Variants in SEMA5A observed in about 807,000 individuals in gnomAD.
The protein encoded by SEMA5A is semaphorin 5A.
In SEMA5A, 55 loss-of-function variants were observed where a neutral mutation model predicts 135.5. The observed-to-expected ratio is 0.41, with a 90% CI of 0.33 to 0.51. The LOEUF is 0.51. Ranked by LOEUF, SEMA5A falls within the 20% of genes least tolerant of loss-of-function variation. SEMA5A has a pLI of 0.37. For synonymous variants in SEMA5A, 580 were observed against 546.5 expected, an observed-to-expected ratio of 1.06 and a Z score of -0.85; for missense variants, 1,290 against 1,419.9, an observed-to-expected ratio of 0.91 and a Z score of 1.47.
At chr5:9,255,338 G>A (rs1290535761) in intron 5 of SEMA5A, among the ~76,000 whole-genome samples, 2 of 151,982 alleles carry the variant, frequency 1.3e-5, no homozygotes, top group Non-Finnish European at 2.9e-5. Context: ...CAACATGCAG[G>A]GTCCACACCA....
At chr5:9,451,715 A>T (rs1758650986) in intron 1 of SEMA5A, among the ~76,000 whole-genome samples, 2 of 152,222 alleles carry the variant, frequency 1.3e-5, no homozygotes, top group Admixed American at 1.3e-4. Context: ...GTAGCTAAGA[A>T]GATGCAAATT....
chr5:9,473,937 T>G (rs1462583730), intron 1 of SEMA5A, among the ~76,000 whole-genome samples: 1 of 152,090 alleles, frequency 6.6e-6, no homozygotes, highest in Non-Finnish European at 1.5e-5. Context: ...GGTGACCACA[T>G]GGAGTCCAAA....
chr5:9,339,592 T>C (rs1753555342), intron 3 of SEMA5A, among the ~76,000 whole-genome samples: 1 of 149,568 alleles, frequency 6.7e-6, no homozygotes, highest in Non-Finnish European at 1.5e-5. Context: ...AGAGAAATAA[T>C]CAAAAAGAAA....
rs368629980 is a variant in SEMA5A at position 9,201,528 on chromosome 5, A to G, written c.932+427T>C. On this transcript the variant is annotated intron_variant, in intron 9 of 22. Transcript: ENST00000382496. ...GCATTTCAAATATGAGCAAGGTTTAAGCAAGAGCCATGTTATCTCAAAGAT... is the reference window on the plus strand; with the variant it reads ...GCATTTCAAATATGAGCAAGGTTTAGGCAAGAGCCATGTTATCTCAAAGAT... Among the ~76,000 whole-genome samples, 8 of 152,378 alleles carry G rather than the reference A, an allele frequency of 5.3e-5. No homozygotes were observed. The South Asian group carries it at 8.3e-4, about 16-fold the overall frequency.
intron 7 of SEMA5A, among the ~76,000 whole-genome samples, chr5:9,225,336 G>A (rs1340542407): frequency 2.2e-5 from 3 of 138,246 alleles, no homozygotes; most frequent in Non-Finnish European, 4.5e-5. Context: ...GGCAGATCAC[G>A]AGGTCAGGAG....
intron 10 of SEMA5A, among the ~76,000 whole-genome samples, chr5:9,192,176 T>A (rs2150350386): frequency 6.6e-6 from 1 of 152,374 alleles, no homozygotes; most frequent in South Asian, 2.1e-4. Context: ...CAAGTGCTAC[T>A]CTGGCTCCGT....
chr5:9,250,958 C>A (rs1748741051), intron 5 of SEMA5A, among the ~76,000 whole-genome samples: 1 of 152,074 alleles, frequency 6.6e-6, no homozygotes, highest in Non-Finnish European at 1.5e-5. Context: ...AATGCTCCAC[C>A]AAAATTTATG....
At chr5:9,122,917 T>C in intron 13 of SEMA5A, 80 bp from the exon 14 acceptor site, 1 of 1,276,312 alleles carries the variant, frequency 7.8e-7, no homozygotes, top group Non-Finnish European at 1.1e-6. Context: ...AAATCCCTCA[T>C]AAGACAATCA....
At chr5:9,360,005 T>C (rs753124996) in intron 3 of SEMA5A, among the ~76,000 whole-genome samples, 39 of 152,226 alleles carry the variant, frequency 2.6e-4, no homozygotes, top group Non-Finnish European at 5.1e-4. Flanking sequence ...ATGAGAAATA[T>C]AGACATGGTT....
At chr5:9,445,420 A>G (rs1758396166) in intron 1 of SEMA5A, among the ~76,000 whole-genome samples, 1 of 151,870 alleles carries the variant, frequency 6.6e-6, no homozygotes, top group African/African-American at 2.4e-5. Flanking sequence ...CTGTAATCCC[A>G]GGACTTTGGG....
At chr5:9,279,728 T>C (rs1396579339) in intron 5 of SEMA5A, among the ~76,000 whole-genome samples, 1 of 152,026 alleles carries the variant, frequency 6.6e-6, no homozygotes, top group Non-Finnish European at 1.5e-5. Context: ...CATGTGGCAC[T>C]TCCCCCTTGA....
intron 6 of SEMA5A, among the ~76,000 whole-genome samples, chr5:9,236,365 T>G (rs1327056941): frequency 6.6e-6 from 1 of 152,134 alleles, no homozygotes; most frequent in African/African-American, 2.4e-5. Context: ...CCAGGTCCCA[T>G]CTCATTCCTT....
chr5:9,460,036 G>C (rs1229606487), intron 1 of SEMA5A, among the ~76,000 whole-genome samples: 1 of 152,160 alleles, frequency 6.6e-6, no homozygotes, highest in Non-Finnish European at 1.5e-5. Flanking sequence ...TTGATCATTA[G>C]TTACCATGGA....
At chr5:9,068,030 T>A (rs1214567128) in intron 16 of SEMA5A, among the ~76,000 whole-genome samples, 1 of 152,232 alleles carries the variant, frequency 6.6e-6, no homozygotes, top group African/African-American at 2.4e-5. Flanking sequence ...GTCACACTAC[T>A]TTCTCCAATT....
intron 9 of SEMA5A, among the ~76,000 whole-genome samples, chr5:9,200,462 T>A (rs1411412176): frequency 6.6e-6 from 1 of 152,198 alleles, no homozygotes; most frequent in African/African-American, 2.4e-5. Context: ...AAATGCACAT[T>A]TATCTTGGGT....
intron 2 of SEMA5A, among the ~76,000 whole-genome samples, chr5:9,420,877 A>G (rs1271907111): frequency 6.6e-6 from 1 of 152,182 alleles, no homozygotes; most frequent in African/African-American, 2.4e-5. Context: ...TTAGCCAGGC[A>G]TGGTGGCGTG....
At chr5:9,515,180 A>G (rs921773295) in intron 1 of SEMA5A, among the ~76,000 whole-genome samples, 1 of 152,198 alleles carries the variant, frequency 6.6e-6, no homozygotes, top group Non-Finnish European at 1.5e-5. Flanking sequence ...CTTGTGATCA[A>G]GTGGCTGACG....
At chr5:9,195,613 AATAG>A (rs1458704011) in intron 10 of SEMA5A, among the ~76,000 whole-genome samples, 2 of 152,248 alleles carry the variant, frequency 1.3e-5, no homozygotes, top group African/African-American at 4.8e-5. Flanking sequence ...AAAGATGCAT[AATAG>A]ATAGATGTGT....
intron 16 of SEMA5A, among the ~76,000 whole-genome samples, chr5:9,093,774 G>A (rs1164698751): frequency 6.6e-6 from 1 of 151,812 alleles, no homozygotes; most frequent in Admixed American, 6.6e-5. Flanking sequence ...TTTCAGGAAT[G>A]ATGACTACTC....
Sources: allele counts gnomAD v4.1 joint callset (sites outside exome capture counted in the v4.1 genomes callset), GRCh38; gene constraint gnomAD v4.1.1; transcripts MANE v1.5; gene names NCBI Gene and HGNC (gene_info 2026-07-23, HGNC 2026-07-21).